SLC6A11: variants seen among roughly 807,000 people sequenced by gnomAD.
SLC6A11 encodes solute carrier family 6 member 11, also known as sodium- and chloride-dependent GABA transporter 3.
SLC6A11 carries 25 observed loss-of-function variants against 74.8 expected under a neutral mutation model. That is an observed-to-expected ratio of 0.33 (90% confidence interval 0.24 to 0.47). SLC6A11 has a LOEUF of 0.47. Among genes scored for constraint, SLC6A11 ranks in the 20% least tolerant of loss-of-function variants. The pLI is 1.00. For synonymous variants in SLC6A11, 330 were observed against 330.2 expected (o/e 1.00, Z 0.01); for missense variants, 574 against 837.0 (o/e 0.69, Z 3.88).
At position 10,929,328 on chromosome 3, in the gene SLC6A11, A is replaced by G. The variant is rs1345902354; in HGVS notation, c.1360A>G (p.Met454Val). ...TATCTCCTATTTTCTGGGCCTCGTG[A>G]TGTTAACAGAGGTGAGTGGCATGGT... ...SVISYFLGLV[M>V]LTEGGMYIFQ... Residue 454 changes from methionine (M) to valine (V), a missense_variant, in exon 10 of 14, where the codon ATG becomes GTG. This residue lies in a region of SLC6A11 where 257 missense variants were observed against 341.5 expected (regional missense o/e 0.75). Transcript: ENST00000254488. The G allele has an allele frequency of 1.9e-6, 3 of 1,613,812 alleles. No homozygotes were observed. Among genetic ancestry groups the G allele is most frequent in the South Asian group, 1.1e-5 (1 of 91,058 alleles).
At chr3:10,908,998 G>A (rs1490826545) in intron 6 of SLC6A11, among the ~76,000 whole-genome samples, 1 of 151,276 alleles carries the variant, frequency 6.6e-6, no homozygotes, top group Admixed American at 6.6e-5. Context: ...GCTAATATTG[G>A]TCTGCCTTTG....
intron 4 of SLC6A11, among the ~76,000 whole-genome samples, chr3:10,831,297 G>C (rs1052317360): frequency 6.6e-6 from 1 of 152,110 alleles, no homozygotes; most frequent in Non-Finnish European, 1.5e-5. Flanking sequence ...TTTATTTTGC[G>C]ATATGACCTC....
chr3:10,925,007 A>G (rs1695584229), intron 8 of SLC6A11, among the ~76,000 whole-genome samples: 3 of 152,214 alleles, frequency 2.0e-5, no homozygotes, highest in Admixed American at 2.0e-4. Flanking sequence ...AACTAGTCCG[A>G]GGACGAAAAA....
rs1695452107 is a variant in SLC6A11, at chr3:10,916,196, T to C, written c.996-2133T>C. 5.9e-5 allele frequency among the ~76,000 whole-genome samples: 9 copies of C among 152,356 alleles called. No individual in the cohort carries two copies. In the South Asian group the frequency reaches 1.9e-3, roughly 32 times the overall value. ...TCCCAACCTTAGGAATAACTAACTC[T>C]GCCCTTGCCTGGGCATAGCTGAATT... is the stretch of plus-strand genomic sequence containing the variant. On this transcript the variant is annotated intron_variant, in intron 7 of 13. Coordinates refer to ENST00000254488, the MANE Select transcript of SLC6A11 (RefSeq NM_014229.3).
At chr3:10,929,687 C>T (rs540557574) in intron 10 of SLC6A11, among the ~76,000 whole-genome samples, 1 of 152,168 alleles carries the variant, frequency 6.6e-6, no homozygotes, top group Non-Finnish European at 1.5e-5. Flanking sequence ...GCTACTGGCC[C>T]CTACAGCATT....
intron 5 of SLC6A11, among the ~76,000 whole-genome samples, chr3:10,856,898 T>C (rs1694644719): frequency 6.6e-6 from 1 of 152,112 alleles, no homozygotes; most frequent in Non-Finnish European, 1.5e-5. Flanking sequence ...CTGGGGGCAC[T>C]GAGAAACCCC....
At chr3:10,907,257 T>A (rs888285522) in intron 6 of SLC6A11, among the ~76,000 whole-genome samples, 8 of 151,782 alleles carry the variant, frequency 5.3e-5, no homozygotes, top group African/African-American at 1.9e-4. Context: ...AAAAAGTAAC[T>A]AAAATGAAGG....
rs112096380 is a variant in SLC6A11 at position 10,818,675 on chromosome 3, G to A, written c.257-790G>A. 4.1e-4 allele frequency among the ~76,000 whole-genome samples: 63 copies of A among 152,298 alleles called. 1 individual carries two copies. Among genetic ancestry groups the A allele is most frequent in the African/African-American group, 1.4e-3 (60 of 41,560 alleles). ...GATCAGATGGTGGCAAATAGCATGT[G>A]TTTTCATGCTTCGTTATTAGACAGG... On this transcript the variant is annotated intron_variant, in intron 1 of 13. Transcript: ENST00000254488.
At chr3:10,936,345 C>T (rs913649079) in intron 13 of SLC6A11, among the ~76,000 whole-genome samples, 5 of 152,188 alleles carry the variant, frequency 3.3e-5, no homozygotes, top group Admixed American at 2.0e-4. Context: ...CCCTGAATTT[C>T]GCTGCCTCAC....
intron 3 of SLC6A11, among the ~76,000 whole-genome samples, chr3:10,820,539 C>A (rs1694124984): frequency 6.6e-6 from 1 of 152,182 alleles, no homozygotes; most frequent in South Asian, 2.1e-4. Context: ...CTCTATCAAT[C>A]CAACCCAGCT....
intron 2 of SLC6A11, 37 bp downstream of exon 2, chr3:10,819,636 C>T (rs1388349631): frequency 6.2e-7 from 1 of 1,608,878 alleles, no homozygotes; most frequent in Admixed American, 1.7e-5. Context: ...AAATTTTGCC[C>T]AGGGAATGTC....
chr3:10,855,532 C>T (rs1164364801), intron 5 of SLC6A11, among the ~76,000 whole-genome samples: 2 of 152,214 alleles, frequency 1.3e-5, no homozygotes, highest in African/African-American at 2.4e-5. Context: ...AGCTGAGCAT[C>T]CCTGTTTGCC....
At chr3:10,864,491 G>A (rs1694740887) in intron 5 of SLC6A11, among the ~76,000 whole-genome samples, 2 of 151,942 alleles carry the variant, frequency 1.3e-5, no homozygotes, top group South Asian at 4.2e-4. Context: ...CGAAAGGTTG[G>A]AGATATTCGT....
At chr3:10,867,683 G>A (rs1419552453) in intron 5 of SLC6A11, among the ~76,000 whole-genome samples, 2 of 152,184 alleles carry the variant, frequency 1.3e-5, no homozygotes, top group Non-Finnish European at 2.9e-5. Context: ...CGTGGTCCAC[G>A]GGATGATTTC....
chr3:10,837,220 G>A (rs1043438226), intron 4 of SLC6A11, among the ~76,000 whole-genome samples: 3 of 152,224 alleles, frequency 2.0e-5, no homozygotes, highest in African/African-American at 4.8e-5. Context: ...GGGAATCACA[G>A]GAGTGAATTC....
intron 6 of SLC6A11, among the ~76,000 whole-genome samples, chr3:10,907,895 T>C (rs1695326897): frequency 6.6e-6 from 1 of 152,174 alleles, no homozygotes; most frequent in African/African-American, 2.4e-5. Context: ...GATAACAAAA[T>C]TGACTGGAAA....
intron 6 of SLC6A11, among the ~76,000 whole-genome samples, chr3:10,894,528 C>T (rs1448799958): frequency 6.6e-6 from 1 of 152,194 alleles, no homozygotes; most frequent in African/African-American, 2.4e-5. Flanking sequence ...GAGCAGCAGC[C>T]AGGCAATGCA....
rs1287736364 is a variant in SLC6A11, at chr3:10,816,357, G to A, written c.92G>A (p.Gly31Glu). The A allele has an allele frequency of 6.8e-7, 1 of 1,460,536 alleles. No homozygotes were observed. The highest frequency in any genetic ancestry group is 9.0e-7 in the Non-Finnish European group (1 of 1,106,524). 90.5% of individuals were successfully genotyped at this position (1,460,536 alleles called of 1,614,324 possible). The change falls in exon 1 of 14, where the codon GGG (glycine) becomes GAG (glutamate). Residue 31 changes from glycine to glutamate, a missense_variant. Coordinates refer to ENST00000254488, the MANE Select transcript of SLC6A11 (RefSeq NM_014229.3). This position sits in a 1 kb window ranked among gnomAD's most constrained non-coding sequence, Gnocchi z 4.2. ...SEAPGGGCSS[G>E]GAAPARHPRV... ...GCGCCGGGTGGCGGCTGCAGCAGCGGGGGCGCGGCGCCCGCGCGCCACCCG... is the reference window on the plus strand; with the variant it reads ...GCGCCGGGTGGCGGCTGCAGCAGCGAGGGCGCGGCGCCCGCGCGCCACCCG...
intron 4 of SLC6A11, among the ~76,000 whole-genome samples, chr3:10,843,206 G>C (rs1284971970): frequency 6.6e-6 from 1 of 152,178 alleles, no homozygotes; most frequent in Non-Finnish European, 1.5e-5. Context: ...CGTCAACTCT[G>C]AAGAATTGGT....
Sources: allele counts gnomAD v4.1 joint callset (sites outside exome capture counted in the v4.1 genomes callset), GRCh38; gene constraint gnomAD v4.1.1; regional missense constraint gnomAD v4.1.1; non-coding constraint Gnocchi (gnomAD v3.1); transcripts MANE v1.5; gene names NCBI Gene and HGNC (gene_info 2026-07-23, HGNC 2026-07-21).